Variants in RFTN2 observed in about 807,000 individuals in gnomAD.
The protein encoded by RFTN2 is raftlin family member 2.
RFTN2 carries 34 observed loss-of-function variants against 52.7 expected under a neutral mutation model. That is an observed-to-expected ratio of 0.64 (90% CI 0.49 to 0.86). RFTN2 has a LOEUF of 0.86. Among genes scored for constraint, RFTN2 ranks in the 40% least tolerant of loss-of-function variants. The pLI is 0.00. For missense variants in RFTN2, 536 were observed against 600.1 expected, an observed-to-expected ratio of 0.89 and a Z score of 1.12; for synonymous variants, 203 against 217.7, an observed-to-expected ratio of 0.93 and a Z score of 0.59.
chr2:197,650,287 G>T (rs2088808742), intron 1 of RFTN2, among the ~76,000 whole-genome samples: 1 of 151,978 alleles, frequency 6.6e-6, no homozygotes, highest in African/African-American at 2.4e-5. Context: ...ATTACTTCCT[G>T]TCAGACCCTG....
At chr2:197,660,960 C>T (rs2088969009) in intron 1 of RFTN2, among the ~76,000 whole-genome samples, 1 of 152,066 alleles carries the variant, frequency 6.6e-6, no homozygotes, top group Non-Finnish European at 1.5e-5. Context: ...CACTTTATTC[C>T]ACTGTTGAAC....
In RFTN2 at chr2:197,631,043, A is replaced by G. The variant is rs147133320; in HGVS notation, c.896T>C (p.Ile299Thr). 3.1e-3 allele frequency: 4,971 copies of G among 1,611,846 alleles called. 12 individuals carry two copies. Among genetic ancestry groups the G allele is most frequent in the Non-Finnish European group, 3.8e-3 (4,467 of 1,178,180 alleles). ...TFYYKQGLSL[I>T]DSFVFWETSK... ...TGTTTCCCAGAATACAAAAGAATCA[A>G]TTAAAGACAAGCCTTGTTTATAATA... Residue 299 changes from isoleucine to threonine, a missense_variant, in exon 5 of 9, where the codon ATT becomes ACT. By Grantham distance (89) the Ile-to-Thr change is moderately conservative. Transcript: ENST00000295049.
chr2:197,644,575 T>C (rs2088722031), intron 2 of RFTN2, among the ~76,000 whole-genome samples: 1 of 152,234 alleles, frequency 6.6e-6, no homozygotes. Context: ...TTATATCTTA[T>C]CGAACAAAAG....
At chr2:197,584,462 T>C (rs901585876) in intron 8 of RFTN2, among the ~76,000 whole-genome samples, 6 of 152,182 alleles carry the variant, frequency 3.9e-5, no homozygotes, top group Non-Finnish European at 5.9e-5. Flanking sequence ...GATAGGGTTG[T>C]TTTTTTCTTG....
chr2:197,607,326 G>C (rs574735659), intron 7 of RFTN2, among the ~76,000 whole-genome samples: 1 of 152,202 alleles, frequency 6.6e-6, no homozygotes, highest in South Asian at 2.1e-4. Flanking sequence ...TCTGGGGACA[G>C]TTGTGGGGTG....
At chr2:197,640,391 C>A (rs1315926134) in intron 3 of RFTN2, among the ~76,000 whole-genome samples, 1 of 151,856 alleles carries the variant, frequency 6.6e-6, no homozygotes, top group African/African-American at 2.4e-5. Flanking sequence ...AGCGAGACTC[C>A]GTGGGCGTAG....
At chr2:197,619,427 T>A (rs920399537) in intron 5 of RFTN2, among the ~76,000 whole-genome samples, 1 of 152,242 alleles carries the variant, frequency 6.6e-6, no homozygotes, top group Non-Finnish European at 1.5e-5. Flanking sequence ...GGGATCCTGT[T>A]GATTGGTGAC....
At chr2:197,598,616 T>C (rs2087827762) in intron 7 of RFTN2, among the ~76,000 whole-genome samples, 1 of 152,234 alleles carries the variant, frequency 6.6e-6, no homozygotes, top group Non-Finnish European at 1.5e-5. Context: ...ATGTTTGACC[T>C]ACGGCAGGCT....
At chr2:197,593,230 T>A (rs937628622) in intron 8 of RFTN2, among the ~76,000 whole-genome samples, 1 of 152,118 alleles carries the variant, frequency 6.6e-6, no homozygotes, top group South Asian at 2.1e-4. Flanking sequence ...TAGAGACTAC[T>A]GGATAGTATC....
At chr2:197,635,630 G>C (rs1387727798) in intron 3 of RFTN2, among the ~76,000 whole-genome samples, 8 of 149,026 alleles carry the variant, frequency 5.4e-5, no homozygotes, top group African/African-American at 2.0e-4. Context: ...GTAGATTCTG[G>C]ATATTAGCCC....
chr2:197,640,419 G>A (rs1367654401), intron 3 of RFTN2, among the ~76,000 whole-genome samples: 24 of 149,734 alleles, frequency 1.6e-4, no homozygotes, highest in South Asian at 6.4e-4. Flanking sequence ...CGAGCCAGGT[G>A]CCGGATATAA....
intron 8 of RFTN2, among the ~76,000 whole-genome samples, chr2:197,584,114 T>C (rs918250823): frequency 2.6e-5 from 4 of 152,250 alleles, no homozygotes; most frequent in Admixed American, 6.5e-5. Flanking sequence ...CATGGCAGCA[T>C]GATTTATAAT....
At chr2:197,633,692 C>A in intron 4 of RFTN2, 26 bp downstream of exon 4, 1 of 1,591,786 alleles carries the variant, frequency 6.3e-7, no homozygotes, top group South Asian at 1.1e-5. Flanking sequence ...ATAGTATATT[C>A]TCTTTCTACT....
intron 5 of RFTN2, among the ~76,000 whole-genome samples, chr2:197,623,884 G>A (rs1184124968): frequency 1.3e-5 from 2 of 152,078 alleles, no homozygotes; most frequent in South Asian, 2.1e-4. Context: ...GGCTGGTCTC[G>A]AACTACTGAC....
intron 4 of RFTN2, among the ~76,000 whole-genome samples, chr2:197,633,185 T>C (rs2088494795): frequency 6.6e-6 from 1 of 152,230 alleles, no homozygotes; most frequent in South Asian, 2.1e-4. Flanking sequence ...CACAGAAGAA[T>C]ACAACTGTTG....
chr2:197,623,757 C>G (rs570818798), intron 5 of RFTN2, among the ~76,000 whole-genome samples: 1 of 152,186 alleles, frequency 6.6e-6, no homozygotes, highest in East Asian at 1.9e-4. Flanking sequence ...ACCTCTGCCT[C>G]CCGGGTTCAA....
At chr2:197,609,794 A>G (rs1204011455) in intron 7 of RFTN2, among the ~76,000 whole-genome samples, 1 of 152,214 alleles carries the variant, frequency 6.6e-6, no homozygotes, top group Non-Finnish European at 1.5e-5. Flanking sequence ...TAATTTTTGT[A>G]TAAGATGTAG....
rs192165676 is a variant in RFTN2 at position 197,587,693 on chromosome 2, G to A, written c.1233+8298C>T. On this transcript the variant is annotated intron_variant, in intron 8 of 8. Coordinates refer to ENST00000295049, the MANE Select transcript of RFTN2 (RefSeq NM_144629.3). ...AAGCTTTATTGCTCACACAAAGCCTGTTTGGTAGTCTCTTCACACAGACAC... is the reference window on the plus strand; with the variant it reads ...AAGCTTTATTGCTCACACAAAGCCTATTTGGTAGTCTCTTCACACAGACAC... Among the ~76,000 whole-genome samples the A allele has an allele frequency of 5.2e-3, 791 of 152,294 alleles. 6 individuals are homozygous for A. Among genetic ancestry groups the A allele is most frequent in the African/African-American group, 0.017 (722 of 41,550 alleles).
chr2:197,635,460 T>C (rs1233028614), intron 3 of RFTN2, among the ~76,000 whole-genome samples: 2 of 152,198 alleles, frequency 1.3e-5, no homozygotes, highest in African/African-American at 4.8e-5. Flanking sequence ...CTCATTGTGG[T>C]TTTGATTTGC....
Sources: gnomAD v4.1 joint callset for allele counts (sites outside exome capture counted in the v4.1 genomes callset) on GRCh38, gnomAD v4.1.1 for gene constraint, MANE v1.5 for transcripts, NCBI Gene and HGNC (gene_info 2026-07-23, HGNC 2026-07-21) for gene names.